The following NAALADL2 variants were observed in gnomAD, a reference collection of about 807,000 sequenced individuals.
The protein encoded by NAALADL2 is inactive N-acetylated-alpha-linked acidic dipeptidase-like protein 2.
Under a neutral mutation model 87.2 loss-of-function variants are expected in NAALADL2, and 76 were observed. The observed-to-expected ratio is 0.87, with a 90% CI of 0.72 to 1.05. The LOEUF is 1.05. Ranked by LOEUF, NAALADL2 falls within the 50% of genes least tolerant of loss-of-function variation. NAALADL2 has a pLI of 0.00. For synonymous variants in NAALADL2, 354 were observed against 331.0 expected, an observed-to-expected ratio of 1.07 and a Z score of -0.75; for missense variants, 1,089 against 945.8, an observed-to-expected ratio of 1.15 and a Z score of -1.99.
At chr3:175,149,341 A>C (rs1333562968) in intron 2 of NAALADL2, among the ~76,000 whole-genome samples, 2 of 152,174 alleles carry the variant, frequency 1.3e-5, no homozygotes, top group Non-Finnish European at 2.9e-5. Flanking sequence ...TGATCAATTC[A>C]TTATTTCATA....
intron 1 of NAALADL2, among the ~76,000 whole-genome samples, chr3:174,471,201 C>T (rs9821114): frequency 0.42 from 63,655 of 151,384 alleles, 14,429 homozygotes; most frequent in East Asian, 0.88. Context: ...AGGTTAAAAC[C>T]TTACTTTTTT....
chr3:175,386,807 T>C (rs560236858), intron 5 of NAALADL2, among the ~76,000 whole-genome samples: 1 of 152,200 alleles, frequency 6.6e-6, no homozygotes, highest in African/African-American at 2.4e-5. Context: ...AGTCACTCTG[T>C]AGCCATCTTG....
At chr3:174,537,867 C>G (rs1443319231) in intron 1 of NAALADL2, among the ~76,000 whole-genome samples, 1 of 152,098 alleles carries the variant, frequency 6.6e-6, no homozygotes, top group South Asian at 2.1e-4. Flanking sequence ...GCCATCTGAC[C>G]ATGTTTAATA....
chr3:174,866,522 TAG>T (rs911250219), intron 1 of NAALADL2, among the ~76,000 whole-genome samples: 4 of 151,836 alleles, frequency 2.6e-5, no homozygotes, highest in African/African-American at 4.8e-5. Context: ...AGAATAAAAA[TAG>T]ATTCTTTTAA....
chr3:174,941,222 A>G (rs926496282), intron 1 of NAALADL2, among the ~76,000 whole-genome samples: 1 of 152,162 alleles, frequency 6.6e-6, no homozygotes, highest in Non-Finnish European at 1.5e-5. Context: ...ATTAGCATCA[A>G]AGAACTTCTT....
intron 9 of NAALADL2, among the ~76,000 whole-genome samples, chr3:175,491,047 T>A (rs1158179796): frequency 6.6e-6 from 1 of 151,942 alleles, no homozygotes; most frequent in African/African-American, 2.4e-5. Context: ...TTTAAATTCC[T>A]TTCCAGCAGC....
At chr3:175,187,637 GAC>G (rs1737545002) in intron 2 of NAALADL2, among the ~76,000 whole-genome samples, 1 of 152,094 alleles carries the variant, frequency 6.6e-6, no homozygotes, top group Non-Finnish European at 1.5e-5. Flanking sequence ...TTCATTTGAA[GAC>G]ACATCTTTTT....
At chr3:175,496,783 C>T (rs1000254210) in intron 9 of NAALADL2, among the ~76,000 whole-genome samples, 5 of 151,906 alleles carry the variant, frequency 3.3e-5, no homozygotes, top group African/African-American at 1.2e-4. Context: ...TGGTCTTGAA[C>T]TCTTGGGCTC....
rs1409764547 is a variant in NAALADL2, at chr3:175,619,463, C to G, written c.1801-7828C>G. On this transcript the variant is annotated intron_variant, in intron 10 of 13. Coordinates refer to ENST00000454872, the MANE Select transcript of NAALADL2 (RefSeq NM_207015.3). ...TTTGCAGGACTATGTTGATTCCTAA[C>G]ATGGTGGGAAAAAAAAAAAAAACAA... is the stretch of plus-strand genomic sequence containing the variant. Among the ~76,000 whole-genome samples the G allele has an allele frequency of 1.9e-4, 14 of 74,918 alleles. No homozygotes were observed. In the East Asian group the frequency reaches 4.7e-3, roughly 25 times the overall value. The allele number at this position is 74,918 out of a possible 152,430, so 49.1% of individuals were successfully genotyped here.
At chr3:175,431,000 A>AATC (rs1464995077) in intron 5 of NAALADL2, among the ~76,000 whole-genome samples, 1 of 152,108 alleles carries the variant, frequency 6.6e-6, no homozygotes, top group Non-Finnish European at 1.5e-5. Context: ...GAAATCTTTG[A>AATC]AAAGTTCAAA....
intron 2 of NAALADL2, among the ~76,000 whole-genome samples, chr3:174,664,817 T>C (rs1207229049): frequency 6.6e-6 from 1 of 152,252 alleles, no homozygotes; most frequent in East Asian, 1.9e-4. Context: ...TGAATGTGTC[T>C]GGCATTATAC....
At chr3:175,175,108 T>A (rs1735519371) in intron 2 of NAALADL2, among the ~76,000 whole-genome samples, 1 of 152,178 alleles carries the variant, frequency 6.6e-6, no homozygotes, top group Non-Finnish European at 1.5e-5. Flanking sequence ...ATACAAATTC[T>A]ATCCAGTAAA....
chr3:174,789,334 G>A (rs185850516), intron 3 of NAALADL2, among the ~76,000 whole-genome samples: 359 of 152,298 alleles, frequency 2.4e-3, no homozygotes, highest in African/African-American at 7.9e-3. Context: ...CACCAGAAGG[G>A]CGTGAGGTAG....
At chr3:174,581,923 A>G (rs954078543) in intron 2 of NAALADL2, among the ~76,000 whole-genome samples, 9 of 152,212 alleles carry the variant, frequency 5.9e-5, no homozygotes, top group African/African-American at 2.2e-4. Context: ...GTGTTAAGCC[A>G]TGACGATTTG....
chr3:174,444,912 T>C (rs921041800), intron 1 of NAALADL2, among the ~76,000 whole-genome samples: 18 of 152,068 alleles, frequency 1.2e-4, no homozygotes, highest in Admixed American at 1.0e-3. Context: ...ACATAGGTTG[T>C]AGATGTATGG....
intron 1 of NAALADL2, among the ~76,000 whole-genome samples, chr3:174,975,328 G>A (rs1744221944): frequency 6.6e-6 from 1 of 152,076 alleles, no homozygotes; most frequent in Admixed American, 6.6e-5. Context: ...AGTGTTCATT[G>A]GGAAGAAGTC....
chr3:174,444,818 T>G (rs1203165197), intron 1 of NAALADL2, among the ~76,000 whole-genome samples: 1 of 152,142 alleles, frequency 6.6e-6, no homozygotes, highest in Non-Finnish European at 1.5e-5. Flanking sequence ...AGGATTAGAT[T>G]TCAGATTGGA....
intron 1 of NAALADL2, among the ~76,000 whole-genome samples, chr3:174,972,945 G>A (rs1319809374): frequency 1.3e-5 from 2 of 148,786 alleles, no homozygotes; most frequent in African/African-American, 5.0e-5. Context: ...GTGGTGAGCT[G>A]AGATCGTGCC....
chr3:175,148,114 TA>T (rs1473517915), intron 2 of NAALADL2, among the ~76,000 whole-genome samples: 8 of 144,300 alleles, frequency 5.5e-5, no homozygotes, highest in African/African-American at 2.1e-4. Flanking sequence ...ATAATAATAA[TA>T]ATAATAATAA....
Sources: gnomAD v4.1 joint callset for allele counts (sites outside exome capture counted in the v4.1 genomes callset) on GRCh38, gnomAD v4.1.1 for gene constraint, MANE v1.5 for transcripts, NCBI Gene and HGNC (gene_info 2026-07-23, HGNC 2026-07-21) for gene names.